Variants in ACTR3C observed in about 807,000 individuals in gnomAD.
ACTR3C encodes the protein actin-related protein 3C.
ACTR3C carries 18 observed loss-of-function variants against 26.3 expected under a neutral mutation model. The observed-to-expected ratio is 0.68, with a 90% CI of 0.47 to 1.01. The LOEUF (loss-of-function observed/expected upper bound fraction) is 1.01. Among genes scored for constraint, ACTR3C ranks in the 50% least tolerant of loss-of-function variants. ACTR3C has a pLI of 0.00. For missense variants in ACTR3C, 184 were observed against 250.7 expected (o/e 0.73, Z 1.80); for synonymous variants, 55 against 94.5 (o/e 0.58, Z 2.42).
the ACTR3C span, among the ~76,000 whole-genome samples, chr7:149,984,717 C>T: frequency 7.2e-5 from 11 of 151,904 alleles, no homozygotes; most frequent in African/African-American, 2.7e-4. Flanking sequence ...CTGTCCACGT[C>T]ATCCAAAACC....
At chr7:150,037,764 G>A in the ACTR3C span, among the ~76,000 whole-genome samples, 5 of 48,606 alleles carry the variant, frequency 1.0e-4, no homozygotes, top group African/African-American at 2.5e-4. Context: ...CCTCGCGGGG[G>A]GTGCCTCCCC....
At chr7:149,968,954 T>C in the ACTR3C span, among the ~76,000 whole-genome samples, 1 of 152,018 alleles carries the variant, frequency 6.6e-6, no homozygotes, top group South Asian at 2.1e-4. Context: ...CCGTCATTGC[T>C]ACTGTCAGTC....
At chr7:150,089,822 T>C in the ACTR3C span, among the ~76,000 whole-genome samples, 2 of 152,222 alleles carry the variant, frequency 1.3e-5, no homozygotes, top group African/African-American at 4.8e-5. Context: ...AGGAACCAAA[T>C]GGAATTGGGC....
At chr7:150,033,150 GAGTGTCCCCT>G in the ACTR3C span, among the ~76,000 whole-genome samples, 1 of 152,256 alleles carries the variant, frequency 6.6e-6, no homozygotes, top group South Asian at 2.1e-4. Flanking sequence ...CAGGGTAGAT[GAGTGTCCCCT>G]CCCTGCAGCA....
the ACTR3C span, among the ~76,000 whole-genome samples, chr7:150,054,579 T>C: frequency 6.6e-6 from 1 of 152,206 alleles, no homozygotes; most frequent in African/African-American, 2.4e-5. Context: ...AGCCAGATAA[T>C]TGGGGAGCAC....
the ACTR3C span, among the ~76,000 whole-genome samples, chr7:150,219,160 C>T: frequency 2.0e-5 from 3 of 146,722 alleles, no homozygotes; most frequent in East Asian, 3.9e-4. Flanking sequence ...ACTTCAACTC[C>T]GAACAAGTAG....
At chr7:150,180,043 T>C in the ACTR3C span, among the ~76,000 whole-genome samples, 43 of 151,220 alleles carry the variant, frequency 2.8e-4, no homozygotes, top group East Asian at 5.0e-3. Context: ...CAGTGGCTCA[T>C]GCCTGTAATC....
chr7:150,026,051 A>C, the ACTR3C span, among the ~76,000 whole-genome samples: 1 of 152,252 alleles, frequency 6.6e-6, no homozygotes, highest in South Asian at 2.1e-4. Context: ...CTCCCACACA[A>C]GGTTATTCCG....
chr7:150,010,496 C>A, the ACTR3C span, among the ~76,000 whole-genome samples: 1 of 152,094 alleles, frequency 6.6e-6, no homozygotes, highest in Admixed American at 6.6e-5. Context: ...GAGTTTGAGA[C>A]CATCCTGGCC....
At chr7:150,118,940 T>TAA in the ACTR3C span, among the ~76,000 whole-genome samples, 13,676 of 140,854 alleles carry the variant, frequency 0.097, 793 homozygotes, top group Middle Eastern at 0.16. Context: ...TCAACATTCT[T>TAA]AAAAAAAAAA....
At chr7:150,107,441 C>T in the ACTR3C span, among the ~76,000 whole-genome samples, 1 of 151,942 alleles carries the variant, frequency 6.6e-6, no homozygotes, top group Admixed American at 6.6e-5. Flanking sequence ...TTCATCTGTT[C>T]ATTGCATCAG....
the ACTR3C span, among the ~76,000 whole-genome samples, chr7:150,079,636 C>T: frequency 6.6e-6 from 1 of 152,188 alleles, no homozygotes; most frequent in Non-Finnish European, 1.5e-5. Context: ...TTTCCCACAT[C>T]TCCCCATCAT....
chr7:150,304,152 A>G (rs1295536551), intron 1 of ACTR3C, among the ~76,000 whole-genome samples: 1 of 152,226 alleles, frequency 6.6e-6, no homozygotes, highest in Non-Finnish European at 1.5e-5. Flanking sequence ...GAGGTGACTT[A>G]GCAAATCCAA....
the ACTR3C span, among the ~76,000 whole-genome samples, chr7:150,168,215 C>A: frequency 9.3e-5 from 14 of 150,858 alleles, no homozygotes; most frequent in Non-Finnish European, 1.8e-4. Flanking sequence ...GCAAGCAAAG[C>A]TTCATCTGTA....
the ACTR3C span, among the ~76,000 whole-genome samples, chr7:150,193,176 A>G: frequency 1.3e-5 from 2 of 152,158 alleles, no homozygotes; most frequent in Non-Finnish European, 2.9e-5. Context: ...ATTTCAGTCA[A>G]CATAATTGGT....
the ACTR3C span, among the ~76,000 whole-genome samples, chr7:149,917,696 G>A: frequency 6.9e-6 from 1 of 145,802 alleles, no homozygotes; most frequent in South Asian, 2.2e-4. Flanking sequence ...GAGTGCAGTG[G>A]TGCAATCATA....
At chr7:150,106,173 G>T in the ACTR3C span, among the ~76,000 whole-genome samples, 6 of 151,624 alleles carry the variant, frequency 4.0e-5, no homozygotes, top group Admixed American at 6.6e-5. Context: ...TGAGATGGAT[G>T]GCTCTTTCTA....
the ACTR3C span, among the ~76,000 whole-genome samples, chr7:150,107,813 T>C: frequency 1.4e-4 from 21 of 151,570 alleles, no homozygotes; most frequent in Admixed American, 3.9e-4. Context: ...GAGATAAATA[T>C]GAGGGATGAG....
chr7:149,948,747 A>G, the ACTR3C span, among the ~76,000 whole-genome samples: 99,669 of 141,670 alleles, frequency 0.7, 30,155 homozygotes, highest in South Asian at 0.79. Flanking sequence ...CCACAGCCTC[A>G]GGCAAGCCAT....
Sources: allele counts gnomAD v4.1 joint callset (sites outside exome capture counted in the v4.1 genomes callset), GRCh38; gene constraint gnomAD v4.1.1; transcripts MANE v1.5; gene names NCBI Gene and HGNC (gene_info 2026-07-23, HGNC 2026-07-21).